SCHIP1: variants seen among roughly 807,000 people sequenced by gnomAD.
SCHIP1 encodes the protein schwannomin-interacting protein 1.
SCHIP1 carries 8 observed loss-of-function variants against 29.7 expected under a neutral mutation model. That is an observed-to-expected ratio of 0.27 (90% CI 0.16 to 0.49). The LOEUF is 0.49. SCHIP1 is among the 20% of genes least tolerant of loss of function. The pLI is 0.99. For missense variants in SCHIP1, 193 were observed against 294.6 expected (o/e 0.66, Z 2.52); for synonymous variants, 76 against 94.9 (o/e 0.80, Z 1.16).
At chr3:159,500,618 G>A in the SCHIP1 span, among the ~76,000 whole-genome samples, 1 of 151,858 alleles carries the variant, frequency 6.6e-6, no homozygotes, top group Non-Finnish European at 1.5e-5. Flanking sequence ...GGAGGCTGAG[G>A]CAGGAGAATG....
chr3:159,588,165 C>A, the SCHIP1 span, among the ~76,000 whole-genome samples: 73 of 152,332 alleles, frequency 4.8e-4, no homozygotes, highest in Non-Finnish European at 8.8e-4. Flanking sequence ...ACCATTCTAA[C>A]TGGTGTAAGA....
At chr3:159,815,623 T>C in the SCHIP1 span, among the ~76,000 whole-genome samples, 1 of 152,246 alleles carries the variant, frequency 6.6e-6, no homozygotes. Flanking sequence ...TATACTCCTT[T>C]ACCTTTTGAA....
At chr3:159,703,550 A>G in the SCHIP1 span, among the ~76,000 whole-genome samples, 1 of 152,138 alleles carries the variant, frequency 6.6e-6, no homozygotes. Flanking sequence ...GGGAAAAAAA[A>G]TAGATTCCCA....
the SCHIP1 span, among the ~76,000 whole-genome samples, chr3:159,700,703 C>T: frequency 1.3e-5 from 2 of 151,876 alleles, no homozygotes; most frequent in Non-Finnish European, 2.9e-5. Flanking sequence ...GCCTTAGCTA[C>T]TCAGGCGGCT....
chr3:159,290,006 T>A, the SCHIP1 span, among the ~76,000 whole-genome samples: 1 of 152,190 alleles, frequency 6.6e-6, no homozygotes, highest in Non-Finnish European at 1.5e-5. Flanking sequence ...ACTAAGCAGT[T>A]GCCTCCTAAC....
At chr3:159,642,832 CAG>C in the SCHIP1 span, among the ~76,000 whole-genome samples, 5 of 152,104 alleles carry the variant, frequency 3.3e-5, no homozygotes, top group African/African-American at 1.2e-4. Context: ...TACAAGGACT[CAG>C]AGACAGAAAC....
At chr3:159,322,029 T>C in the SCHIP1 span, among the ~76,000 whole-genome samples, 9 of 152,088 alleles carry the variant, frequency 5.9e-5, no homozygotes, top group Admixed American at 5.9e-4. Context: ...AAAGCAGTAT[T>C]ACAGGCTACA....
the SCHIP1 span, among the ~76,000 whole-genome samples, chr3:159,672,194 C>G: frequency 6.6e-6 from 1 of 152,196 alleles, no homozygotes; most frequent in Admixed American, 6.5e-5. Context: ...ACTGAGGCTG[C>G]TGGCTTATCA....
chr3:159,395,570 G>A, the SCHIP1 span, among the ~76,000 whole-genome samples: 513 of 152,006 alleles, frequency 3.4e-3, 1 homozygote, highest in Non-Finnish European at 5.4e-3. Flanking sequence ...CCTTCATTTC[G>A]TTATGTACCC....
chr3:159,550,254 T>C, the SCHIP1 span, among the ~76,000 whole-genome samples: 2 of 152,074 alleles, frequency 1.3e-5, no homozygotes, highest in Non-Finnish European at 1.5e-5. Flanking sequence ...ATATTATTAG[T>C]TATGCTTTTC....
the SCHIP1 span, among the ~76,000 whole-genome samples, chr3:159,553,840 G>A: frequency 3.3e-5 from 5 of 152,150 alleles, no homozygotes; most frequent in Middle Eastern, 3.4e-3. Flanking sequence ...TCACTCTGTC[G>A]CCCAGGCTGG....
At chr3:159,779,615 G>A in the SCHIP1 span, among the ~76,000 whole-genome samples, 4 of 151,880 alleles carry the variant, frequency 2.6e-5, no homozygotes, top group Admixed American at 6.6e-5. Context: ...AGAGGTTGCA[G>A]TGAGCCAAGA....
At chr3:159,374,332 A>AG in the SCHIP1 span, among the ~76,000 whole-genome samples, 1 of 152,118 alleles carries the variant, frequency 6.6e-6, no homozygotes, top group African/African-American at 2.4e-5. Flanking sequence ...AGAGGAGGTG[A>AG]GCAGGGTGAT....
At chr3:159,424,709 C>T in the SCHIP1 span, among the ~76,000 whole-genome samples, 1 of 152,068 alleles carries the variant, frequency 6.6e-6, no homozygotes, top group Admixed American at 6.6e-5. Flanking sequence ...AGATACTCCT[C>T]GAGAAGAGCA....
chr3:159,471,972 T>C, the SCHIP1 span, among the ~76,000 whole-genome samples: 2 of 152,154 alleles, frequency 1.3e-5, no homozygotes, highest in East Asian at 1.9e-4. Context: ...TATAAAAGTA[T>C]TCCCTTCTCT....
chr3:159,476,978 T>C, the SCHIP1 span, among the ~76,000 whole-genome samples: 1 of 152,134 alleles, frequency 6.6e-6, no homozygotes, highest in African/African-American at 2.4e-5. Flanking sequence ...CTGGTAACCA[T>C]CATTCTACTC....
chr3:159,773,919 G>T, the SCHIP1 span, among the ~76,000 whole-genome samples: 1 of 152,178 alleles, frequency 6.6e-6, no homozygotes. Flanking sequence ...TATTTGTGGG[G>T]TTCAGAAGCA....
At chr3:159,811,979 T>G in the SCHIP1 span, among the ~76,000 whole-genome samples, 851 of 116,166 alleles carry the variant, frequency 7.3e-3, 9 homozygotes, top group African/African-American at 0.02. Context: ...TTTTTGTTTT[T>G]GTTTTTTTTT....
At chr3:159,661,316 C>T in the SCHIP1 span, among the ~76,000 whole-genome samples, 2 of 151,786 alleles carry the variant, frequency 1.3e-5, no homozygotes, top group African/African-American at 4.9e-5. Flanking sequence ...TTCCATGTAT[C>T]TCTCCATATA....
Sources: allele counts gnomAD v4.1 joint callset (sites outside exome capture counted in the v4.1 genomes callset), GRCh38; gene constraint gnomAD v4.1.1; transcripts MANE v1.5; gene names NCBI Gene and HGNC (gene_info 2026-07-23, HGNC 2026-07-21).